PBRM1: variants seen among roughly 807,000 people sequenced by gnomAD.
The protein encoded by PBRM1 is polybromo 1, also known as protein polybromo-1.
PBRM1 carries 27 observed loss-of-function variants against 194.5 expected under a neutral mutation model. The observed-to-expected ratio is 0.14, with a 90% confidence interval of 0.10 to 0.19. PBRM1 has a LOEUF of 0.19. Ranked by LOEUF, PBRM1 falls within the 10% of genes least tolerant of loss-of-function variation. PBRM1 has a pLI of 1.00. For missense variants in PBRM1, 1,466 were observed against 2,077.2 expected, an observed-to-expected ratio of 0.71 and a Z score of 5.72; for synonymous variants, 655 against 693.2, an observed-to-expected ratio of 0.94 and a Z score of 0.87.
At chr3:52,653,980 T>C (rs536828490) in intron 5 of PBRM1, among the ~76,000 whole-genome samples, 6 of 152,328 alleles carry the variant, frequency 3.9e-5, no homozygotes, top group African/African-American at 7.2e-5. Flanking sequence ...TCCCAAGAAA[T>C]TGAACATGTT....
At chr3:52,586,711 G>C (rs1342131189) in intron 19 of PBRM1, 23 bp from the exon 22 acceptor site, 1 of 665,476 alleles carries the variant, frequency 1.5e-6, no homozygotes, top group Non-Finnish European at 2.0e-6. Flanking sequence ...GAGGGCATAA[G>C]AATAAAACTA....
At chr3:52,583,556 C>T (rs1179362933) in intron 20 of PBRM1, among the ~76,000 whole-genome samples, 2 of 151,698 alleles carry the variant, frequency 1.3e-5, no homozygotes, top group African/African-American at 4.8e-5. Flanking sequence ...ATGTTTTTTG[C>T]TGCCTTCTTT....
chr3:52,650,398 AG>A lies in PBRM1; in HGVS notation c.714+1343del, dbSNP rs1365735357. Among the ~76,000 whole-genome samples the A allele has an allele frequency of 2.7e-4, 41 of 151,290 alleles. 1 individual carries two copies. The South Asian group carries it at 4.4e-3, about 16-fold the overall frequency. On this transcript the variant is annotated intron_variant, in intron 6 of 29. Transcript: ENST00000296302. Reference sequence around the variant, plus strand: ...AAAAAAAAACCCTAAAAAAAAAAAAAGATGATACATTAGGGAATCTGTATTT... The same window carrying A: ...AAAAAAAAACCCTAAAAAAAAAAAAAATGATACATTAGGGAATCTGTATTT...
At chr3:52,683,311 T>C (rs1305940945), upstream of PBRM1, among the ~76,000 whole-genome samples, 1 of 151,198 alleles carries the variant, frequency 6.6e-6, no homozygotes, top group Non-Finnish European at 1.5e-5. Context: ...GAGGCAGAGG[T>C]TGCAGCAAGC....
At chr3:52,632,546 A>G (rs984248999) in intron 11 of PBRM1, among the ~76,000 whole-genome samples, 2 of 152,194 alleles carry the variant, frequency 1.3e-5, no homozygotes, top group African/African-American at 4.8e-5. Flanking sequence ...GCAACAGAGC[A>G]GAGACCCTGT....
intron 17 of PBRM1, among the ~76,000 whole-genome samples, chr3:52,600,034 T>C (rs114597651): frequency 0.039 from 5,951 of 152,256 alleles, 173 homozygotes; most frequent in Middle Eastern, 0.068. Context: ...TTGTTTTTCA[T>C]TGATATATAA....
chr3:52,673,820 G>A (rs557849760), intron 2 of PBRM1, among the ~76,000 whole-genome samples: 1 of 152,040 alleles, frequency 6.6e-6, no homozygotes, highest in South Asian at 2.1e-4. Flanking sequence ...GGAGGATGAG[G>A]TGGACAGATC....
At chr3:52,634,801 C>G in exon 11 of PBRM1, 1 of 1,613,400 alleles carries the variant, frequency 6.2e-7, no homozygotes, top group Non-Finnish European at 8.5e-7. Flanking sequence ...GACTCTCCCT[C>G]TTCATAGCGT....
Position 52,554,681 on chromosome 3 carries a change from T to C in PBRM1, c.4609+43A>G, listed in dbSNP as rs774720023. On this transcript the variant is annotated intron_variant, in intron 27 of 29. Coordinates refer to ENST00000296302, the Ensembl canonical transcript of PBRM1. Reference sequence around the variant, plus strand: ...ACTGGTTGAAAGCGGAAAAAGAGAATATGAAGATGAGATTAATGAGTGAAT... The same window carrying C: ...ACTGGTTGAAAGCGGAAAAAGAGAACATGAAGATGAGATTAATGAGTGAAT... The C allele has an allele frequency of 3.4e-6, 5 of 1,479,876 alleles. No individual in the cohort carries two copies. In the African/African-American group the frequency reaches 5.8e-5, roughly 17 times the overall value. 91.7% of individuals were successfully genotyped at this position (1,479,876 alleles called of 1,614,324 possible).
chr3:52,628,020 A>G (rs1294820537), intron 12 of PBRM1, among the ~76,000 whole-genome samples: 4 of 152,222 alleles, frequency 2.6e-5, no homozygotes, highest in African/African-American at 7.2e-5. Context: ...ACTGTCAGAT[A>G]GACCCAATTT....
At chr3:52,665,967 A>C (rs1186055107) in intron 3 of PBRM1, among the ~76,000 whole-genome samples, 1 of 152,230 alleles carries the variant, frequency 6.6e-6, no homozygotes. Flanking sequence ...GGCTTTGAAT[A>C]AGTTAATTAT....
chr3:52,590,163 C>T (rs1487650973), intron 17 of PBRM1, among the ~76,000 whole-genome samples: 4 of 151,764 alleles, frequency 2.6e-5, no homozygotes, highest in African/African-American at 9.7e-5. Context: ...TTAATAGTTC[C>T]AGTACAGGCC....
At chr3:52,570,486 T>C (rs895622841) in intron 22 of PBRM1, among the ~76,000 whole-genome samples, 4 of 152,328 alleles carry the variant, frequency 2.6e-5, no homozygotes, top group Non-Finnish European at 4.4e-5. Context: ...TTCCATATTT[T>C]ATAGAAGGAA....
chr3:52,607,518 G>C (rs983324887), intron 16 of PBRM1, among the ~76,000 whole-genome samples: 1 of 152,102 alleles, frequency 6.6e-6, no homozygotes, highest in African/African-American at 2.4e-5. Flanking sequence ...AGACATAAAC[G>C]AAGTTCCTAA....
At chr3:52,584,141 G>A (rs1357843442) in intron 20 of PBRM1, among the ~76,000 whole-genome samples, 1 of 152,042 alleles carries the variant, frequency 6.6e-6, no homozygotes, top group Non-Finnish European at 1.5e-5. Context: ...ATTTTGTCAA[G>A]TTTCAAAAAC....
chr3:52,652,517 T>C (rs1391489330), intron 5 of PBRM1, among the ~76,000 whole-genome samples: 1 of 150,398 alleles, frequency 6.6e-6, no homozygotes, highest in Admixed American at 6.7e-5. Flanking sequence ...TGAAACCCTG[T>C]CTCTACTAAA....
intron 4 of PBRM1, among the ~76,000 whole-genome samples, chr3:52,660,577 A>G (rs2096702996): frequency 1.3e-5 from 2 of 152,058 alleles, no homozygotes; most frequent in Admixed American, 1.3e-4. Flanking sequence ...CAGTGGCATG[A>G]TCTCAGCTCA....
At chr3:52,671,552 T>A (rs113693650) in intron 2 of PBRM1, among the ~76,000 whole-genome samples, 6 of 152,366 alleles carry the variant, frequency 3.9e-5, no homozygotes, top group African/African-American at 1.4e-4. Context: ...TATCTTTTAG[T>A]AGTTACAAGA....
At chr3:52,579,120 A>G (rs748508046) in exon 21 of PBRM1, 8 of 1,614,134 alleles carry the variant, frequency 5.0e-6, no homozygotes, top group Non-Finnish European at 6.8e-6. Context: ...CTTCAGCCAC[A>G]TGTCATTGTA....
Sources: gnomAD v4.1 joint callset for allele counts (sites outside exome capture counted in the v4.1 genomes callset) on GRCh38, gnomAD v4.1.1 for gene constraint, MANE v1.5 for transcripts, NCBI Gene and HGNC (gene_info 2026-07-23, HGNC 2026-07-21) for gene names.